HECW1: variants seen among roughly 807,000 people sequenced by gnomAD.
The protein encoded by HECW1 is HECT, C2 and WW domain containing E3 ubiquitin protein ligase 1.
HECW1 carries 61 observed loss-of-function variants against 182.3 expected under a neutral mutation model. The ratio of observed to expected loss-of-function variants is 0.33; its 90% CI spans 0.27 to 0.41. HECW1 has a LOEUF of 0.41. Among genes scored for constraint, HECW1 ranks in the 10% least tolerant of loss-of-function variants. The pLI, the probability that HECW1 is intolerant of heterozygous loss-of-function variation, is 1.00. For synonymous variants in HECW1, 859 were observed against 832.6 expected (o/e 1.03, Z -0.55); for missense variants, 1,739 against 2,108.9 (o/e 0.82, Z 3.44).
chr7:43,340,972 T>C (rs756833794), intron 5 of HECW1, among the ~76,000 whole-genome samples: 39 of 151,842 alleles, frequency 2.6e-4, no homozygotes, highest in Non-Finnish European at 4.9e-4. Context: ...TGGAATACTA[T>C]GCAGCCATAA....
chr7:43,370,988 C>T (rs542320324), intron 6 of HECW1, among the ~76,000 whole-genome samples: 4 of 151,220 alleles, frequency 2.6e-5, no homozygotes, highest in Admixed American at 6.6e-5. Context: ...CCTGGGTTCT[C>T]GCGATTCTAC....
intron 29 of HECW1, among the ~76,000 whole-genome samples, chr7:43,557,798 C>T (rs930992208): frequency 2.6e-5 from 4 of 152,188 alleles, no homozygotes; most frequent in African/African-American, 9.7e-5. Flanking sequence ...CTCATTTGCA[C>T]ATATGTGTGT....
intron 2 of HECW1, among the ~76,000 whole-genome samples, chr7:43,165,774 A>G (rs1791053202): frequency 6.6e-6 from 1 of 152,200 alleles, no homozygotes; most frequent in Non-Finnish European, 1.5e-5. Flanking sequence ...AATAAAGTTG[A>G]GATGCTGTGT....
At chr7:43,406,810 CGAGA>C (rs2075625815) in intron 7 of HECW1, among the ~76,000 whole-genome samples, 1 of 151,970 alleles carries the variant, frequency 6.6e-6, no homozygotes, top group African/African-American at 2.4e-5. Context: ...CCCAGCTACT[CGAGA>C]GGCTGAGGCA....
chr7:43,251,685 G>A (rs1232096145), intron 3 of HECW1, among the ~76,000 whole-genome samples: 1 of 152,070 alleles, frequency 6.6e-6, no homozygotes, highest in Non-Finnish European at 1.5e-5. Context: ...TGGAGTTACG[G>A]GTTCATTACA....
chr7:43,402,069 C>T (rs371637082), intron 7 of HECW1, among the ~76,000 whole-genome samples: 7 of 152,102 alleles, frequency 4.6e-5, no homozygotes, highest in African/African-American at 1.4e-4. Flanking sequence ...CCACTCCATC[C>T]TCTTTCCAGC....
chr7:43,174,495 A>G (rs1466891007), intron 2 of HECW1, among the ~76,000 whole-genome samples: 1 of 152,124 alleles, frequency 6.6e-6, no homozygotes, highest in Non-Finnish European at 1.5e-5. Context: ...TGCTTCCTTG[A>G]TCTTCTCCCA....
chr7:43,336,114 C>G (rs528032639), intron 5 of HECW1, among the ~76,000 whole-genome samples: 2 of 106,464 alleles, frequency 1.9e-5, no homozygotes, highest in Admixed American at 1.9e-4. Flanking sequence ...TTCTTTCTTT[C>G]TTTCTTTCTT....
At chr7:43,183,245 G>A (rs2152677894) in intron 2 of HECW1, among the ~76,000 whole-genome samples, 1 of 152,250 alleles carries the variant, frequency 6.6e-6, no homozygotes. Flanking sequence ...CCTTTCCCCT[G>A]TGAGAACAGC....
intron 26 of HECW1, among the ~76,000 whole-genome samples, chr7:43,547,410 G>A (rs1585261490): frequency 6.6e-6 from 1 of 152,246 alleles, no homozygotes; most frequent in East Asian, 1.9e-4. Context: ...AACCAGGTGT[G>A]GTGGCACGTG....
chr7:43,121,125 G>A lies in HECW1; in HGVS notation c.-32+6734G>A, dbSNP rs534918927. Among the ~76,000 whole-genome samples the A allele has an allele frequency of 1.1e-4, 17 of 152,232 alleles. No individual in the cohort carries two copies. The South Asian group carries it at 3.5e-3, about 32-fold the overall frequency. ...CATTTTGTTGGTCCTGAACTTCCGT[G>A]TTTTTCTCCTGGCTGGTGTTCTCTA... is the stretch of plus-strand genomic sequence containing the variant. On this transcript the variant is annotated intron_variant, in intron 2 of 29. Coordinates refer to ENST00000395891, the MANE Select transcript of HECW1 (RefSeq NM_015052.5).
chr7:43,133,882 C>A (rs1380373710), intron 2 of HECW1, among the ~76,000 whole-genome samples: 1 of 151,858 alleles, frequency 6.6e-6, no homozygotes, highest in East Asian at 1.9e-4. Context: ...TTTGTTGATT[C>A]CCATCTTGGC....
At chr7:43,197,432 A>C (rs933752802) in intron 2 of HECW1, among the ~76,000 whole-genome samples, 4 of 152,188 alleles carry the variant, frequency 2.6e-5, no homozygotes, top group African/African-American at 4.8e-5. Context: ...GGCATTGATT[A>C]GCCCCCTGCA....
chr7:43,115,299 C>CT (rs34686016), intron 2 of HECW1, among the ~76,000 whole-genome samples: 98,812 of 138,048 alleles, frequency 0.72, 35,911 homozygotes, highest in East Asian at 0.79. Context: ...TCAAACAGGT[C>CT]TTTTTTTTTT....
chr7:43,234,203 A>G (rs1222852257), intron 2 of HECW1, among the ~76,000 whole-genome samples: 1 of 151,986 alleles, frequency 6.6e-6, no homozygotes, highest in Non-Finnish European at 1.5e-5. Flanking sequence ...TGTTCACACC[A>G]CCGTGTCTGG....
At chr7:43,198,371 A>T (rs1794684007) in intron 2 of HECW1, among the ~76,000 whole-genome samples, 1 of 146,168 alleles carries the variant, frequency 6.8e-6, no homozygotes, top group Admixed American at 6.8e-5. Context: ...CCACGCTCTC[A>T]CACACACGTC....
At position 43,126,741 on chromosome 7, in the gene HECW1, C is replaced by T. The variant is rs961166068; in HGVS notation, c.-32+12350C>T. On this transcript the variant is annotated intron_variant, in intron 2 of 29. Coordinates refer to ENST00000395891, the MANE Select transcript of HECW1 (RefSeq NM_015052.5). ...GTGCTCACTTAGTTTCCTTGTGTCA[C>T]ATTTTGGTAATTCTTATAATATTTT... 7.9e-5 allele frequency among the ~76,000 whole-genome samples: 12 copies of T among 152,310 alleles called. No individual in the cohort carries two copies. In the South Asian group the frequency reaches 2.3e-3, roughly 29 times the overall value.
intron 6 of HECW1, among the ~76,000 whole-genome samples, chr7:43,374,136 A>G (rs1263035004): frequency 6.6e-6 from 1 of 152,208 alleles, no homozygotes; most frequent in East Asian, 1.9e-4. Context: ...CATTCTTTGC[A>G]TTGAAATAAG....
chr7:43,478,053 A>C (rs2078284243), intron 16 of HECW1, among the ~76,000 whole-genome samples: 1 of 152,210 alleles, frequency 6.6e-6, no homozygotes, highest in Admixed American at 6.5e-5. Flanking sequence ...AGATAATTTT[A>C]AATTTAAAGA....
Sources: allele counts gnomAD v4.1 joint callset (sites outside exome capture counted in the v4.1 genomes callset), GRCh38; gene constraint gnomAD v4.1.1; transcripts MANE v1.5; gene names NCBI Gene and HGNC (gene_info 2026-07-23, HGNC 2026-07-21).